The following DMD variants were observed in gnomAD, a reference collection of about 807,000 sequenced individuals.
DMD encodes dystrophin, also known as mutant dystrophin.
A neutral mutation model predicts 330.1 loss-of-function variants in DMD; 63 were observed. That is an observed-to-expected ratio of 0.19 (90% confidence interval 0.16 to 0.24). The LOEUF (loss-of-function observed/expected upper bound fraction) is 0.24. Ranked by LOEUF, DMD falls within the 10% of genes least tolerant of loss-of-function variation. DMD has a pLI of 1.00. For missense variants in DMD, 3,344 were observed against 2,684.1 expected, an observed-to-expected ratio of 1.25 and a Z score of -5.43; for synonymous variants, 1,223 against 959.8, an observed-to-expected ratio of 1.27 and a Z score of -5.07.
chrX:32,835,631 T>C (rs2148923823), intron 4 of DMD, among the ~76,000 whole-genome samples: 1 of 111,697 alleles, frequency 9.0e-6, no homozygotes, highest in South Asian at 3.7e-4. Flanking sequence ...TCTACAGATA[T>C]AAGCTGAGTG....
chrX:32,476,933 T>A (rs1311750702), intron 21 of DMD, among the ~76,000 whole-genome samples: 1 of 111,223 alleles, frequency 9.0e-6, no homozygotes, highest in Non-Finnish European at 1.9e-5. Context: ...CTGACAGCAA[T>A]AAGACAATAA....
chrX:33,150,407 C>A (rs2048227890), intron 1 of DMD, among the ~76,000 whole-genome samples: 1 of 108,006 alleles, frequency 9.3e-6, no homozygotes, highest in African/African-American at 3.4e-5. Context: ...GATTCTCCTG[C>A]CTCAGCCTCC....
chrX:31,596,444 A>T (rs769920685), intron 55 of DMD, among the ~76,000 whole-genome samples: 1 of 112,099 alleles, frequency 8.9e-6, no homozygotes, highest in South Asian at 3.7e-4. Context: ...CTACTCTGAT[A>T]CAGCTTAATA....
chrX:32,753,510 C>T (rs1039519926), intron 7 of DMD, among the ~76,000 whole-genome samples: 1 of 111,736 alleles, frequency 8.9e-6, no homozygotes, highest in Non-Finnish European at 1.9e-5. Flanking sequence ...ACCCTCTGCA[C>T]TGCCACTCAT....
At chrX:32,185,222 G>C (rs1255021510) in intron 44 of DMD, among the ~76,000 whole-genome samples, 1 of 111,311 alleles carries the variant, frequency 9.0e-6, no homozygotes, top group Non-Finnish European at 1.9e-5. Flanking sequence ...TATTTCAGCA[G>C]CAAAAGATGT....
Position 32,474,200 on chromosome X carries a change from T to TACACACACAC in DMD, c.2804-1892_2804-1891insGTGTGTGTGT, listed in dbSNP as rs770330585. ...TGAGTAGTATTCCATCATATATACATACATACATACACACACACACACACA... is the reference window on the plus strand; with the variant it reads ...TGAGTAGTATTCCATCATATATACATACACACACACACATACATACACACACACACACACA... On this transcript the variant is annotated intron_variant, in intron 21 of 78. Transcript: ENST00000357033. 8.9e-3 allele frequency among the ~76,000 whole-genome samples: 932 copies of TACACACACAC among 104,925 alleles called. 16 individuals carry two copies. Among genetic ancestry groups the TACACACACAC allele is most frequent in the African/African-American group, 0.025 (675 of 26,834 alleles). The allele number at this position is 104,925 out of a possible 115,157, so 91.1% of individuals were successfully genotyped here. A position where few individuals can be genotyped will look rare whatever the true frequency, so the allele number is the denominator to read the frequency against.
chrX:32,580,606 A>G (rs145737312), intron 13 of DMD, among the ~76,000 whole-genome samples: 306 of 111,976 alleles, frequency 2.7e-3, no homozygotes, highest in Non-Finnish European at 4.6e-3. Context: ...GTAAGGATTT[A>G]GAGCTCAGTC....
chrX:32,137,688 G>A (rs978991877), intron 44 of DMD, among the ~76,000 whole-genome samples: 5 of 110,394 alleles, frequency 4.5e-5, no homozygotes, highest in African/African-American at 1.7e-4. Context: ...GTTGCATGAT[G>A]AAAAGCAAAG....
intron 48 of DMD, among the ~76,000 whole-genome samples, chrX:31,840,856 C>T (rs1184522325): frequency 3.6e-5 from 4 of 110,560 alleles, no homozygotes; most frequent in Non-Finnish European, 7.5e-5. Context: ...CCCCCTACCT[C>T]TCTTCCTCTC....
intron 2 of DMD, among the ~76,000 whole-genome samples, chrX:32,889,640 C>A (rs1239682573): frequency 9.0e-6 from 1 of 110,956 alleles, no homozygotes; most frequent in African/African-American, 3.3e-5. Flanking sequence ...GTAATCTCCC[C>A]CACCCTTAAG....
intron 42 of DMD, among the ~76,000 whole-genome samples, chrX:32,290,540 G>A (rs1285454770): frequency 3.6e-5 from 4 of 111,503 alleles, no homozygotes; most frequent in African/African-American, 9.8e-5. Flanking sequence ...ACCACAAATG[G>A]GTTATACGGG....
At chrX:32,414,444 T>C (rs2098158336) in intron 29 of DMD, among the ~76,000 whole-genome samples, 1 of 112,191 alleles carries the variant, frequency 8.9e-6, no homozygotes, top group African/African-American at 3.2e-5. Flanking sequence ...TCACATGACA[T>C]TATGTTCTTT....
chrX:33,010,201 T>TA (rs1251233637), intron 2 of DMD, among the ~76,000 whole-genome samples: 2 of 93,798 alleles, frequency 2.1e-5, no homozygotes, highest in African/African-American at 1.0e-4. Flanking sequence ...TATATATGCA[T>TA]ATGTGTGTGT....
chrX:33,183,108 C>G (rs2050079094), intron 1 of DMD, among the ~76,000 whole-genome samples: 2 of 111,756 alleles, frequency 1.8e-5, no homozygotes, highest in Admixed American at 1.9e-4. Flanking sequence ...AATTTCAAAA[C>G]TATTTTAAAT....
In DMD at chrX:32,501,782, G is replaced by C; in HGVS notation, c.2353C>G (p.Gln785Glu). The C allele has an allele frequency of 8.3e-7, 1 of 1,209,382 alleles. No individual in the cohort carries two copies. Among genetic ancestry groups the C allele is most frequent in the Non-Finnish European group, 1.1e-6 (1 of 893,961 alleles). ...TTCACCATCTGTTCCACCAGGGCCTGAGCTGATCTGCTGGCATCTTGCAGT... is the reference window on the plus strand; with the variant it reads ...TTCACCATCTGTTCCACCAGGGCCTCAGCTGATCTGCTGGCATCTTGCAGT... ...RKLQDASRSA[Q>E]ALVEQMVNEG... is the part of the protein sequence containing the mutation. The change falls in exon 19 of 79, where the codon CAG becomes GAG. Residue 785 changes from glutamine (Q) to glutamate (E), a missense_variant. Transcript: ENST00000357033.
chrX:31,203,871 T>TA, intron 67 of DMD, 90 bp downstream of exon 67: 1 of 815,776 alleles, frequency 1.2e-6, no homozygotes, highest in South Asian at 2.2e-5. Flanking sequence ...ACTGAAGAGC[T>TA]AATATGAGAA....
chrX:32,781,594 C>T (rs1288694296), intron 7 of DMD, among the ~76,000 whole-genome samples: 1 of 110,033 alleles, frequency 9.1e-6, no homozygotes, highest in African/African-American at 3.3e-5. Context: ...TGCCTCTACT[C>T]CAGTAATCCC....
chrX:33,136,311 A>C, intron 1 of DMD, among the ~76,000 whole-genome samples: 1 of 99,772 alleles, frequency 1.0e-5, no homozygotes, highest in Non-Finnish European at 2.0e-5. Flanking sequence ...AAAAAACCAC[A>C]ACAGATTCCT....
chrX:31,938,931 GTGTC>G (rs2094957586), intron 45 of DMD, among the ~76,000 whole-genome samples: 1 of 111,370 alleles, frequency 9.0e-6, no homozygotes, highest in Admixed American at 9.6e-5. Flanking sequence ...CAGTGTGTGT[GTGTC>G]TGTGTGTGTG....
Sources: allele counts gnomAD v4.1 joint callset (sites outside exome capture counted in the v4.1 genomes callset), GRCh38; gene constraint gnomAD v4.1.1; transcripts MANE v1.5; gene names NCBI Gene and HGNC (gene_info 2026-07-23, HGNC 2026-07-21).